Variants in KIAA0319 observed in about 807,000 individuals in gnomAD.
KIAA0319 encodes the protein KIAA0319.
A neutral mutation model predicts 108.4 loss-of-function variants in KIAA0319; 83 were observed. That is an observed-to-expected ratio of 0.77 (90% confidence interval 0.64 to 0.92). KIAA0319 has a LOEUF of 0.92. KIAA0319 is among the 40% of genes least tolerant of loss of function. The pLI is 0.00. For synonymous variants in KIAA0319, 484 were observed against 510.4 expected (o/e 0.95, Z 0.70); for missense variants, 1,195 against 1,322.4 (o/e 0.90, Z 1.49).
At chr6:24,563,559 G>A (rs1335065923) in intron 15 of KIAA0319, 41 bp from the exon 16 acceptor site, 4 of 1,568,484 alleles carry the variant, frequency 2.6e-6, no homozygotes, top group Non-Finnish European at 3.5e-6. Flanking sequence ...TTGGACATTT[G>A]CACAGGCTTT....
At chr6:24,592,870 G>C (rs1768730929) in intron 3 of KIAA0319, among the ~76,000 whole-genome samples, 1 of 152,068 alleles carries the variant, frequency 6.6e-6, no homozygotes, top group South Asian at 2.1e-4. Flanking sequence ...ACCTTGTGGG[G>C]CTGAGTTGGG....
chr6:24,558,845 G>C (rs997585401), intron 17 of KIAA0319, among the ~76,000 whole-genome samples, 168 bp downstream of exon 17: 1 of 152,184 alleles, frequency 6.6e-6, no homozygotes, highest in Non-Finnish European at 1.5e-5. Context: ...AAGACCAAGA[G>C]TAGTTGGCAA....
intron 1 of KIAA0319, among the ~76,000 whole-genome samples, chr6:24,634,264 C>T (rs1775931710): frequency 6.6e-6 from 1 of 152,174 alleles, no homozygotes; most frequent in African/African-American, 2.4e-5. Flanking sequence ...CATGGCCAGG[C>T]AGAATAAAAT....
rs1770251570 is a variant in KIAA0319 at position 24,599,350 on chromosome 6, C to T, written c.55+1699G>A. 1 of 522,188 alleles carries T rather than the reference C, an allele frequency of 1.9e-6. No individual in the cohort carries two copies. Among genetic ancestry groups the T allele is most frequent in the African/African-American group, 1.9e-5 (1 of 52,568 alleles). The allele number at this position is 522,188 out of a possible 1,614,324, so 32.3% of individuals were successfully genotyped here. ...AAAGGCTAGAGGGCTTCCCTAGAGG[C>T]CACCATTGTGGATGCGGAGAAGCGT... On this transcript the variant is annotated intron_variant, in intron 2 of 20. Coordinates refer to ENST00000378214, the MANE Select transcript of KIAA0319 (RefSeq NM_014809.4). This position sits in a 1 kb window ranked among gnomAD's most constrained non-coding sequence, Gnocchi z 4.1.
At chr6:24,579,520 ATCT>A in intron 8 of KIAA0319, among the ~76,000 whole-genome samples, 1 of 145,738 alleles carries the variant, frequency 6.9e-6, no homozygotes, top group East Asian at 2.0e-4. Context: ...TATCTTATAT[ATCT>A]TATATATATA....
chr6:24,585,870 C>T (rs953670897), intron 4 of KIAA0319, among the ~76,000 whole-genome samples: 2 of 152,108 alleles, frequency 1.3e-5, no homozygotes, highest in Admixed American at 1.3e-4. Flanking sequence ...AGGTGGATCA[C>T]TTGAAGTCAG....
intron 1 of KIAA0319, among the ~76,000 whole-genome samples, chr6:24,609,948 G>A (rs1343645531): frequency 6.6e-6 from 1 of 152,020 alleles, no homozygotes; most frequent in East Asian, 1.9e-4. Flanking sequence ...AAAATGGATC[G>A]AGACCCAAAT....
intron 4 of KIAA0319, 27 bp from the exon 5 acceptor site, chr6:24,583,729 G>T (rs757370822): frequency 7.4e-7 from 1 of 1,356,552 alleles, no homozygotes; most frequent in Non-Finnish European, 1.1e-6. Flanking sequence ...AATAATACGT[G>T]CAATTATATA....
At chr6:24,643,470 TC>T (rs1233947206) in intron 1 of KIAA0319, among the ~76,000 whole-genome samples, 1 of 152,148 alleles carries the variant, frequency 6.6e-6, no homozygotes, top group African/African-American at 2.4e-5. Context: ...TACCAATTAT[TC>T]TAGGCCTACT....
chr6:24,572,600 A>G lies in KIAA0319; in HGVS notation c.1833T>C (p.Ala611=). Residue 611 remains alanine, a synonymous_variant, in exon 11 of 21, where the codon GCT becomes GCC. Coordinates refer to ENST00000378214, the MANE Select transcript of KIAA0319 (RefSeq NM_014809.4). ...VTDSSRQQST[A]VVTVIVQPEN... ...CAGGCTGGACAATCACAGTCACCAC[A>G]GCAGTAGACTGTTGCCTTGAAGAAT... The G allele has an allele frequency of 6.2e-7, 1 of 1,613,948 alleles. No individual in the cohort carries two copies. Among genetic ancestry groups the G allele is most frequent in the South Asian group, 1.1e-5 (1 of 91,020 alleles).
At chr6:24,630,532 G>T (rs1178121676) in intron 1 of KIAA0319, among the ~76,000 whole-genome samples, 8 of 127,750 alleles carry the variant, frequency 6.3e-5, no homozygotes, top group Non-Finnish European at 1.2e-4. Context: ...AAAAAAAAAA[G>T]AAAGAACGAA....
chr6:24,551,356 C>G, intron 20 of KIAA0319, 78 bp downstream of exon 20: 1 of 942,346 alleles, frequency 1.1e-6, no homozygotes, highest in Non-Finnish European at 1.7e-6. Flanking sequence ...CGTTCTCCCT[C>G]TATCCAAGTT....
chr6:24,547,448 C>T (rs546195987), intron 20 of KIAA0319, 105 bp from the exon 21 acceptor site: 140 of 948,230 alleles, frequency 1.5e-4, no homozygotes, highest in Middle Eastern at 6.1e-4. Flanking sequence ...TGGTGCTCTC[C>T]GCCCCTTGAA....
At chr6:24,620,584 A>C (rs1773797257) in intron 1 of KIAA0319, among the ~76,000 whole-genome samples, 1 of 152,234 alleles carries the variant, frequency 6.6e-6, no homozygotes, top group Non-Finnish European at 1.5e-5. Context: ...TACAGGCATA[A>C]GCCACTGCTC....
In KIAA0319 at chr6:24,576,508, T is replaced by G; in HGVS notation, c.1594A>C (p.Asn532His). Reference sequence around the variant, plus strand: ...GTTATGGTGTGATTTGGTCCTGCATTAGCAACTGGTGGGTAGTCCACAGCA... The same window carrying G: ...GTTATGGTGTGATTTGGTCCTGCATGAGCAACTGGTGGGTAGTCCACAGCA... ...NNAVDYPPVA[N>H]AGPNHTITLP... Residue 532 changes from asparagine to histidine, a missense_variant, in exon 10 of 21, where the codon AAT becomes CAT. Physicochemically the swap from Asn to His is moderately conservative, Grantham distance 68 (BLOSUM62 1). Transcript: ENST00000378214. 1 of 1,614,146 alleles carries G rather than the reference T, an allele frequency of 6.2e-7. No individual in the cohort carries two copies. Among genetic ancestry groups the G allele is most frequent in the Non-Finnish European group, 8.5e-7 (1 of 1,180,012 alleles).
intron 3 of KIAA0319, among the ~76,000 whole-genome samples, chr6:24,592,683 G>A (rs1768692900): frequency 6.6e-6 from 1 of 152,214 alleles, no homozygotes; most frequent in Non-Finnish European, 1.5e-5. Context: ...AAAGCAGCAT[G>A]TTATCGGTGG....
chr6:24,564,244 CCTGA>C lies in KIAA0319; in HGVS notation c.2385_2388del (p.Ser795ArgfsTer25). 1.2e-6 allele frequency: 2 copies of C among 1,614,108 alleles called. No individual in the cohort carries two copies. The highest frequency in any genetic ancestry group is 8.5e-7 in the Non-Finnish European group (1 of 1,179,998). On this transcript the variant is annotated frameshift_variant, in exon 15 of 21. Transcript: ENST00000378214. LOFTEE classifies it high-confidence loss of function. ...GTGGCAGTGTCTGTGTCCGAGGCCC[CCTGA>C]CTGTCGGTGACTCGCAAGTGGAAAG...
intron 7 of KIAA0319, among the ~76,000 whole-genome samples, chr6:24,580,719 A>C (rs897805494): frequency 1.1e-4 from 16 of 152,118 alleles, no homozygotes; most frequent in African/African-American, 3.6e-4. Flanking sequence ...GCCAGCAATA[A>C]CCTTGTCAAG....
chr6:24,601,068 C>A lies in KIAA0319; in HGVS notation c.36G>T (p.Leu12=), dbSNP rs760861643. ...APPTGVLSSL[L]LLVTIAGCAR... ...CCCTACCTGCAATTGTCACCAGCAG[C>A]AGCAATGAAGAGAGCACACCTGTGG... Residue 12 remains leucine, a synonymous_variant, in exon 2 of 21, where the codon CTG becomes CTT. Coordinates refer to ENST00000378214, the MANE Select transcript of KIAA0319 (RefSeq NM_014809.4). 1.2e-6 allele frequency: 2 copies of A among 1,614,096 alleles called. No homozygotes were observed. The highest frequency in any genetic ancestry group is 1.7e-6 in the Non-Finnish European group (2 of 1,179,996).
Sources: allele counts gnomAD v4.1 joint callset (sites outside exome capture counted in the v4.1 genomes callset), GRCh38; gene constraint gnomAD v4.1.1; non-coding constraint Gnocchi (gnomAD v3.1); transcripts MANE v1.5; gene names NCBI Gene and HGNC (gene_info 2026-07-23, HGNC 2026-07-21).